MYO6: variants seen among roughly 807,000 people sequenced by gnomAD.
The protein encoded by MYO6 is unconventional myosin-VI.
In MYO6, 74 loss-of-function variants were observed where a neutral mutation model predicts 178.7. The observed-to-expected ratio is 0.41, with a 90% CI of 0.34 to 0.50. The LOEUF (loss-of-function observed/expected upper bound fraction) is 0.50. MYO6 is among the 20% of genes least tolerant of loss of function. MYO6 has a pLI of 0.09. For synonymous variants in MYO6, 477 were observed against 504.6 expected (o/e 0.95, Z 0.73); for missense variants, 1,330 against 1,547.4 (o/e 0.86, Z 2.36).
In MYO6 at chr6:75,905,591, C is replaced by T. The variant is rs535516609; in HGVS notation, c.3177-2014C>T. Among the ~76,000 whole-genome samples the T allele has an allele frequency of 3.2e-4, 48 of 152,310 alleles. No individual in the cohort carries two copies. In the East Asian group the frequency reaches 7.0e-3, roughly 22 times the overall value. The stretch of plus-strand genomic sequence containing the variant: ...CCTGCTTTGGCTGGCACACGGTGCG[C>T]GCACCCACTGACCTGCGCCCACTGT... On this transcript the variant is annotated intron_variant, in intron 30 of 34. Transcript: ENST00000369977.
chr6:75,870,033 G>C (rs1173414329), intron 18 of MYO6, among the ~76,000 whole-genome samples: 1 of 151,924 alleles, frequency 6.6e-6, no homozygotes, highest in African/African-American at 2.4e-5. Context: ...AGAATGGCGT[G>C]AACCCGGGAG....
intron 18 of MYO6, among the ~76,000 whole-genome samples, chr6:75,869,867 A>T (rs527926723): frequency 6.6e-6 from 1 of 152,248 alleles, no homozygotes; most frequent in African/African-American, 2.4e-5. Context: ...TAATCCTAGC[A>T]CTTTGGGAGG....
At chr6:75,846,887 T>C (rs1373299068) in intron 10 of MYO6, among the ~76,000 whole-genome samples, 3 of 152,182 alleles carry the variant, frequency 2.0e-5, no homozygotes, top group East Asian at 3.8e-4. Context: ...AGAAATCTTA[T>C]TCACATTGAG....
chr6:75,762,847 T>G (rs566355435), intron 1 of MYO6, among the ~76,000 whole-genome samples: 1 of 152,348 alleles, frequency 6.6e-6, no homozygotes, highest in South Asian at 2.1e-4. Context: ...AGCAAATGTA[T>G]TCCTGTAAAG....
rs1562227181 is a variant in MYO6, at chr6:75,835,898, C to T, written c.498-3C>T. Reference sequence around the variant, plus strand: ...AACATTTTTTATCCTATATTTTAAACAGATACCTGACTGAATCCTATGGAA... The same window carrying T: ...AACATTTTTTATCCTATATTTTAAATAGATACCTGACTGAATCCTATGGAA... On this transcript the variant is annotated splice_polypyrimidine_tract_variant and splice_region_variant and intron_variant, in intron 6 of 34. Coordinates refer to ENST00000369977, the MANE Select transcript of MYO6 (RefSeq NM_004999.4). The T allele has an allele frequency of 6.4e-7, 1 of 1,573,766 alleles. No individual in the cohort carries two copies. Among genetic ancestry groups the T allele is most frequent in the East Asian group, 2.2e-5 (1 of 44,630 alleles).
rs1778784327 is a variant in MYO6, at chr6:75,890,113, C to T, written c.2715C>T (p.Ser905=). The T allele has an allele frequency of 6.2e-7, 1 of 1,613,312 alleles. No homozygotes were observed. The highest frequency in any genetic ancestry group is 8.5e-7 in the Non-Finnish European group (1 of 1,179,902). ...AAGAATATGATGCACTGGTTAAAAGCTCAGAGGAACTCCTCAGTGCATTAC... is the reference window on the plus strand; with the variant it reads ...AAGAATATGATGCACTGGTTAAAAGTTCAGAGGAACTCCTCAGTGCATTAC... The part of the protein sequence containing the change: ...IQKEYDALVK[S]SEELLSALQK... The change falls in exon 26 of 35, where the codon AGC becomes AGT. Residue 905 remains serine, a synonymous_variant. Coordinates refer to ENST00000369977, the MANE Select transcript of MYO6 (RefSeq NM_004999.4).
At chr6:75,873,060 A>T in intron 19 of MYO6, 147 bp from the exon 20 acceptor site, 1 of 695,826 alleles carries the variant, frequency 1.4e-6, no homozygotes, top group Non-Finnish European at 2.5e-6. Flanking sequence ...GGCATGAGCC[A>T]CTGCTCCCAG....
intron 24 of MYO6, 147 bp from the exon 25 acceptor site, chr6:75,886,697 T>C (rs1778465379): frequency 6.6e-6 from 5 of 759,852 alleles, no homozygotes; most frequent in Non-Finnish European, 1.1e-5. Context: ...TGATTTTTTT[T>C]AGCCTTCAAC....
intron 1 of MYO6, among the ~76,000 whole-genome samples, chr6:75,789,601 A>G (rs1347985795): frequency 6.6e-6 from 1 of 151,902 alleles, no homozygotes; most frequent in East Asian, 1.9e-4. Flanking sequence ...CGGAGAATAT[A>G]AGCTTTTTTA....
Position 75,877,077 on chromosome 6 carries a change from A to G in MYO6, c.2078-2743A>G, listed in dbSNP as rs896662959. ...ACCGTAAGCTCCGCCTCCCAGGTTC[A>G]AGCAATTCTCCTGCCTCAGCCTCCC... On this transcript the variant is annotated intron_variant, in intron 20 of 34. Coordinates refer to ENST00000369977, the MANE Select transcript of MYO6 (RefSeq NM_004999.4). 6.6e-5 allele frequency among the ~76,000 whole-genome samples: 10 copies of G among 151,820 alleles called. No homozygotes were observed. The South Asian group carries it at 1.9e-3, about 28-fold the overall frequency.
In MYO6 at chr6:75,886,069, C is replaced by T. The variant is rs1475456964; in HGVS notation, c.2482C>T (p.Leu828Phe). Residue 828 changes from leucine (L) to phenylalanine (F), a missense_variant, in exon 24 of 35, where the codon CTT becomes TTT. Leu to Phe is a conservative substitution (Grantham distance 22). Transcript: ENST00000369977. The part of the protein sequence containing the change: ...IKMQKTIRMW[L>F]CKRRHKPRID... ...AATGCAAAAAACTATTCGAATGTGG[C>T]TTTGCAAGAGGAGACACAAACCTCG... 2.5e-6 allele frequency: 4 copies of T among 1,611,976 alleles called. No individual in the cohort carries two copies. The highest frequency in any genetic ancestry group is 3.4e-6 in the Non-Finnish European group (4 of 1,178,546).
intron 25 of MYO6, among the ~76,000 whole-genome samples, chr6:75,888,659 T>C (rs2149364116): frequency 6.6e-6 from 1 of 152,216 alleles, no homozygotes; most frequent in Non-Finnish European, 1.5e-5. Flanking sequence ...TACCTCCACA[T>C]TAACAAATTC....
rs557530496 is a variant in MYO6 at position 75,785,575 on chromosome 6, C to A, written c.-47-31926C>A. ...GCAGCCTCGAAATCCTGGGCTCAAG[C>A]GATCGTCCCGTGGAGCTAGGAATAT... On this transcript the variant is annotated intron_variant, in intron 1 of 34. Coordinates refer to ENST00000369977, the MANE Select transcript of MYO6 (RefSeq NM_004999.4). 8.6e-5 allele frequency among the ~76,000 whole-genome samples: 13 copies of A among 150,464 alleles called. No individual in the cohort carries two copies. In the South Asian group the frequency reaches 1.0e-3, roughly 12 times the overall value.
intron 1 of MYO6, among the ~76,000 whole-genome samples, chr6:75,757,017 GTATACACACATATATAGTGTGTATATA>G (rs1296837493): frequency 3.7e-5 from 5 of 134,782 alleles, no homozygotes; most frequent in Non-Finnish European, 8.0e-5. Context: ...GTGTATATAT[GTATACACACATATATAGTGTGTATATA>G]TGTGTATATA....
chr6:75,756,999 TATATAGTGTGTATATATGTATACAC>T (rs1777453570), intron 1 of MYO6, among the ~76,000 whole-genome samples: 2 of 136,918 alleles, frequency 1.5e-5, no homozygotes, highest in African/African-American at 2.7e-5. Context: ...TATACACACA[TATATAGTGTGTATATATGTATACAC>T]ACATATATAG....
intron 1 of MYO6, among the ~76,000 whole-genome samples, chr6:75,774,138 G>A (rs900201793): frequency 6.6e-6 from 1 of 152,108 alleles, no homozygotes; most frequent in African/African-American, 2.4e-5. Context: ...TTATGTAAAT[G>A]AATGTTCATT....
At chr6:75,870,576 G>A in intron 18 of MYO6, 71 bp from the exon 19 acceptor site, 1 of 1,182,994 alleles carries the variant, frequency 8.5e-7, no homozygotes, top group Non-Finnish European at 1.3e-6. Context: ...GTACTGGAGA[G>A]CTAATATTAA....
intron 23 of MYO6, among the ~76,000 whole-genome samples, chr6:75,882,299 T>C (rs1778102973): frequency 6.6e-6 from 1 of 152,258 alleles, no homozygotes; most frequent in South Asian, 2.1e-4. Context: ...GAAGTCCTTT[T>C]CCACCTTTTG....
At chr6:75,864,098 A>G (rs1776447821) in intron 16 of MYO6, among the ~76,000 whole-genome samples, 1 of 152,162 alleles carries the variant, frequency 6.6e-6, no homozygotes, top group Admixed American at 6.5e-5. Context: ...AACAAACAGG[A>G]GAGTGAAAAA....
Sources: gnomAD v4.1 joint callset for allele counts (sites outside exome capture counted in the v4.1 genomes callset) on GRCh38, gnomAD v4.1.1 for gene constraint, MANE v1.5 for transcripts, NCBI Gene and HGNC (gene_info 2026-07-23, HGNC 2026-07-21) for gene names.